XYLT1: variants seen among roughly 807,000 people sequenced by gnomAD.
The protein encoded by XYLT1 is beta-D-xylosyltransferase 1.
In XYLT1, 36 loss-of-function variants were observed where a neutral mutation model predicts 91.3. That is an observed-to-expected ratio of 0.39 (90% CI 0.30 to 0.52). The LOEUF (loss-of-function observed/expected upper bound fraction) is 0.52, where lower values mean the gene tolerates loss of function less well. Among genes scored for constraint, XYLT1 ranks in the 20% least tolerant of loss-of-function variants. XYLT1 has a pLI of 0.68. For missense variants in XYLT1, 1,242 were observed against 1,284.5 expected (o/e 0.97, Z 0.51); for synonymous variants, 588 against 532.0 (o/e 1.11, Z -1.45).
chr16:17,274,438 T>C (rs1400748547), intron 2 of XYLT1, among the ~76,000 whole-genome samples: 4 of 152,118 alleles, frequency 2.6e-5, no homozygotes, highest in Non-Finnish European at 5.9e-5. Flanking sequence ...GTTATTTGGG[T>C]GTCCACTCCC....
At chr16:17,408,174 C>A (rs2036058454) in intron 1 of XYLT1, among the ~76,000 whole-genome samples, 1 of 152,334 alleles carries the variant, frequency 6.6e-6, no homozygotes, top group South Asian at 2.1e-4. Context: ...CCTCTCAGAG[C>A]CTCAATCACC....
Position 17,134,719 on chromosome 16 carries a change from G to A in XYLT1, c.1781C>T (p.Thr594Ile). ...FHRFQQTARP[T>I]FFARKFEAVV... is the part of the protein sequence containing the mutation. ...GGCTTCAAACTTGCGGGCAAAGAAG[G>A]TAGGCCGGGCTGTCTGCTGTACTCA... The change falls in exon 9 of 12, where the codon ACC (threonine) becomes ATC (isoleucine). Residue 594 changes from threonine to isoleucine, a missense_variant. Thr to Ile is a moderately conservative substitution (Grantham distance 89). Coordinates refer to ENST00000261381, the MANE Select transcript of XYLT1 (RefSeq NM_022166.4). 1.2e-6 allele frequency: 2 copies of A among 1,614,186 alleles called. No homozygotes were observed. Among genetic ancestry groups the A allele is most frequent in the African/African-American group, 1.3e-5 (1 of 75,056 alleles).
At chr16:17,365,765 G>C (rs1424454165) in intron 1 of XYLT1, among the ~76,000 whole-genome samples, 1 of 152,120 alleles carries the variant, frequency 6.6e-6, no homozygotes, top group African/African-American at 2.4e-5. Context: ...CCACAGCCTT[G>C]GAAGATAGAG....
chr16:17,450,233 G>C (rs1235397019), intron 1 of XYLT1, among the ~76,000 whole-genome samples: 1 of 152,142 alleles, frequency 6.6e-6, no homozygotes, highest in African/African-American at 2.4e-5. Context: ...AGCTACTCAG[G>C]AGGCTGAGGC....
At chr16:17,202,829 C>A (rs564192001) in intron 3 of XYLT1, among the ~76,000 whole-genome samples, 1 of 151,776 alleles carries the variant, frequency 6.6e-6, no homozygotes, top group Non-Finnish European at 1.5e-5. Context: ...ACCACAGAAT[C>A]TGCAACACTT....
intron 1 of XYLT1, chr16:17,446,070 A>G (rs1016613640): frequency 6.6e-6 from 1 of 152,138 alleles, no homozygotes; most frequent in Admixed American, 6.5e-5. Flanking sequence ...GATCTAGAAA[A>G]GCTCGTCAGG....
intron 2 of XYLT1, among the ~76,000 whole-genome samples, chr16:17,283,560 G>A (rs532511457): frequency 2.0e-4 from 31 of 152,264 alleles, no homozygotes; most frequent in African/African-American, 6.3e-4. Flanking sequence ...CTGCCTCAGC[G>A]TCCTTCCCAC....
intron 2 of XYLT1, among the ~76,000 whole-genome samples, chr16:17,334,992 G>C (rs2034956974): frequency 6.6e-6 from 1 of 152,168 alleles, no homozygotes; most frequent in African/African-American, 2.4e-5. Flanking sequence ...AGGAGGCTGA[G>C]GTGGGTGGAT....
chr16:17,175,029 C>A (rs1187093759), intron 5 of XYLT1, among the ~76,000 whole-genome samples: 1 of 152,116 alleles, frequency 6.6e-6, no homozygotes, highest in Non-Finnish European at 1.5e-5. Flanking sequence ...CTTTGGCCTC[C>A]CAAATTGCTG....
chr16:17,393,690 G>A (rs1446703852), intron 1 of XYLT1, among the ~76,000 whole-genome samples: 2 of 152,044 alleles, frequency 1.3e-5, no homozygotes. Flanking sequence ...AAGGTGGGAG[G>A]ACTGTTTAAG....
At chr16:17,159,980 A>G (rs2031507688) in intron 5 of XYLT1, among the ~76,000 whole-genome samples, 1 of 152,216 alleles carries the variant, frequency 6.6e-6, no homozygotes. Flanking sequence ...AGCGTTAACT[A>G]TTGTTTCAAA....
At chr16:17,389,970 G>T (rs1269828834) in intron 1 of XYLT1, among the ~76,000 whole-genome samples, 1 of 152,166 alleles carries the variant, frequency 6.6e-6, no homozygotes, top group African/African-American at 2.4e-5. Flanking sequence ...GCAGGATTCA[G>T]GTCGTGCCCT....
At chr16:17,115,800 TAAAAAAA>T (rs71137969) in intron 11 of XYLT1, among the ~76,000 whole-genome samples, 19 of 50,336 alleles carry the variant, frequency 3.8e-4, no homozygotes, top group Admixed American at 6.9e-4. Flanking sequence ...TCTGTTATAT[TAAAAAAA>T]AAAAAAAAAA....
intron 1 of XYLT1, among the ~76,000 whole-genome samples, chr16:17,452,906 A>G (rs551525636): frequency 2.0e-5 from 3 of 152,304 alleles, no homozygotes; most frequent in Admixed American, 6.5e-5. Context: ...AAGAGTTTCA[A>G]TGAATACTTA....
intron 1 of XYLT1, among the ~76,000 whole-genome samples, chr16:17,411,664 T>C (rs1201179942): frequency 1.3e-5 from 2 of 152,260 alleles, no homozygotes; most frequent in South Asian, 4.1e-4. Flanking sequence ...GAGGGTGACT[T>C]TTCTGGGACC....
chr16:17,373,999 A>C (rs2035567083), intron 1 of XYLT1, among the ~76,000 whole-genome samples: 1 of 152,188 alleles, frequency 6.6e-6, no homozygotes, highest in African/African-American at 2.4e-5. Flanking sequence ...AATGCTGCCA[A>C]AGGGGAGAAG....
chr16:17,262,476 A>G (rs1037125134), intron 2 of XYLT1, among the ~76,000 whole-genome samples: 2 of 152,204 alleles, frequency 1.3e-5, no homozygotes, highest in African/African-American at 4.8e-5. Flanking sequence ...GCAGTGGAAT[A>G]ATGGGTATCA....
intron 11 of XYLT1, among the ~76,000 whole-genome samples, chr16:17,111,449 C>G (rs557886209): frequency 6.6e-6 from 1 of 152,252 alleles, no homozygotes; most frequent in East Asian, 1.9e-4. Flanking sequence ...TTTACCAAAT[C>G]AGGCTTTGCG....
chr16:17,138,562 C>T, intron 7 of XYLT1, 31 bp from the exon 8 acceptor site: 1 of 1,599,876 alleles, frequency 6.3e-7, no homozygotes, highest in Non-Finnish European at 8.5e-7. Flanking sequence ...CAGCCTGAGA[C>T]CTCTCCCAGC....
Sources: gnomAD v4.1 joint callset for allele counts (sites outside exome capture counted in the v4.1 genomes callset) on GRCh38, gnomAD v4.1.1 for gene constraint, MANE v1.5 for transcripts, NCBI Gene and HGNC (gene_info 2026-07-23, HGNC 2026-07-21) for gene names.